NMNAT2: variants seen among roughly 807,000 people sequenced by gnomAD.
The protein encoded by NMNAT2 is nicotinamide nucleotide adenylyltransferase 2.
A neutral mutation model predicts 41.6 loss-of-function variants in NMNAT2; 11 were observed. That is an observed-to-expected ratio of 0.26 (90% confidence interval 0.17 to 0.44). The LOEUF is 0.44. Ranked by LOEUF, NMNAT2 falls within the 20% of genes least tolerant of loss-of-function variation. The probability of loss-of-function intolerance (pLI) is 1.00; values close to 1 mark genes in which losing one functional copy is unlikely to be tolerated. For synonymous variants in NMNAT2, 148 were observed against 151.2 expected (o/e 0.98, Z 0.16); for missense variants, 288 against 407.7 (o/e 0.71, Z 2.53).
intron 8 of NMNAT2, among the ~76,000 whole-genome samples, chr1:183,262,757 G>A (rs551688): frequency 0.97 from 146,999 of 152,190 alleles, 71,219 homozygotes; most frequent in East Asian, 1. Flanking sequence ...TATTTTTAAA[G>A]AGCCTGAAAG....
chr1:183,354,990 C>G (rs552283003), intron 1 of NMNAT2, among the ~76,000 whole-genome samples: 2 of 152,208 alleles, frequency 1.3e-5, no homozygotes, highest in Admixed American at 1.3e-4. Context: ...AACAAAGGCT[C>G]CTTCCATTGT....
At chr1:183,382,801 T>C (rs1299726577) in intron 1 of NMNAT2, among the ~76,000 whole-genome samples, 1 of 152,196 alleles carries the variant, frequency 6.6e-6, no homozygotes, top group East Asian at 1.9e-4. Flanking sequence ...TCTCTGCCCC[T>C]TTAGCTCTGC....
intron 1 of NMNAT2, among the ~76,000 whole-genome samples, chr1:183,327,608 C>T (rs1030342528): frequency 1.3e-5 from 2 of 152,190 alleles, no homozygotes; most frequent in South Asian, 2.1e-4. Flanking sequence ...GTCCCAGAAT[C>T]GTTTCCAACG....
chr1:183,409,020 C>T (rs191382090), intron 1 of NMNAT2, among the ~76,000 whole-genome samples: 35 of 152,050 alleles, frequency 2.3e-4, no homozygotes, highest in African/African-American at 8.2e-4. Flanking sequence ...AGTGTTTCAC[C>T]TCTCTGTGGG....
intron 1 of NMNAT2, among the ~76,000 whole-genome samples, chr1:183,337,221 G>GA (rs1662695014): frequency 6.6e-6 from 1 of 151,622 alleles, no homozygotes; most frequent in East Asian, 1.9e-4. Flanking sequence ...AAAATAATGG[G>GA]AAAAAAGATT....
At chr1:183,384,198 A>G (rs1447037910) in intron 1 of NMNAT2, among the ~76,000 whole-genome samples, 1 of 151,876 alleles carries the variant, frequency 6.6e-6, no homozygotes, top group African/African-American at 2.4e-5. Flanking sequence ...GGCGCTACAC[A>G]CTTTTATGTT....
At chr1:183,300,210 C>T (rs576900022) in intron 1 of NMNAT2, among the ~76,000 whole-genome samples, 40 of 152,030 alleles carry the variant, frequency 2.6e-4, no homozygotes, top group Non-Finnish European at 4.0e-4. Context: ...GAGACCAGCC[C>T]GGCCAATATG....
chr1:183,329,094 A>C (rs1285143884), intron 1 of NMNAT2, among the ~76,000 whole-genome samples: 1 of 152,184 alleles, frequency 6.6e-6, no homozygotes, highest in Non-Finnish European at 1.5e-5. Flanking sequence ...GGTTCCCTAC[A>C]GCTTTCCAAA....
intron 1 of NMNAT2, among the ~76,000 whole-genome samples, chr1:183,323,698 G>A (rs1433653213): frequency 6.6e-6 from 1 of 152,234 alleles, no homozygotes; most frequent in Non-Finnish European, 1.5e-5. Context: ...TAGGCAGGAT[G>A]TGGATCTGAG....
At chr1:183,384,558 C>A (rs1466704125) in intron 1 of NMNAT2, among the ~76,000 whole-genome samples, 1 of 152,146 alleles carries the variant, frequency 6.6e-6, no homozygotes, top group Non-Finnish European at 1.5e-5. Context: ...ACAAGAACGG[C>A]AAGGGGAGAG....
chr1:183,407,447 C>CT (rs1017391076), intron 1 of NMNAT2, among the ~76,000 whole-genome samples: 8 of 151,298 alleles, frequency 5.3e-5, no homozygotes, highest in South Asian at 2.1e-4. Flanking sequence ...AAATGCTTGT[C>CT]TTTTTTTTTC....
At chr1:183,268,852 G>T (rs1431237045) in intron 8 of NMNAT2, among the ~76,000 whole-genome samples, 1 of 152,134 alleles carries the variant, frequency 6.6e-6, no homozygotes, top group Non-Finnish European at 1.5e-5. Context: ...GACCAGCCTG[G>T]GCAACATGGT....
At position 183,307,452 on chromosome 1, in the gene NMNAT2, T is replaced by A. The variant is rs115716703; in HGVS notation, c.86-13659A>T. ...CTCCCTAGTAGCTGGAATGTATATTTTTTTTTTTAGACAGAGTTTTGCTTC... is the reference window on the plus strand; with the variant it reads ...CTCCCTAGTAGCTGGAATGTATATTATTTTTTTTAGACAGAGTTTTGCTTC... On this transcript the variant is annotated intron_variant, in intron 1 of 10. Coordinates refer to ENST00000287713, the MANE Select transcript of NMNAT2 (RefSeq NM_015039.4). Among the ~76,000 whole-genome samples, 1,316 of 150,970 alleles carry A rather than the reference T, an allele frequency of 8.7e-3. 18 individuals carry two copies. The highest frequency in any genetic ancestry group is 0.031 in the African/African-American group (1,257 of 41,196).
chr1:183,322,328 G>A (rs623902), intron 1 of NMNAT2, among the ~76,000 whole-genome samples: 3,214 of 152,300 alleles, frequency 0.021, 113 homozygotes, highest in African/African-American at 0.073. Flanking sequence ...ATACGTTCAG[G>A]TGTGTATGGT....
chr1:183,299,399 A>T (rs1476217695), intron 1 of NMNAT2, among the ~76,000 whole-genome samples: 4 of 152,112 alleles, frequency 2.6e-5, no homozygotes, highest in Non-Finnish European at 5.9e-5. Flanking sequence ...AAAATAAAAA[A>T]AGGAACAAAT....
At chr1:183,376,446 TG>T (rs1486676333) in intron 1 of NMNAT2, among the ~76,000 whole-genome samples, 1 of 152,104 alleles carries the variant, frequency 6.6e-6, no homozygotes, top group Admixed American at 6.6e-5. Context: ...TGATGAGGAG[TG>T]GAAAAAATTG....
At chr1:183,290,044 C>G in intron 4 of NMNAT2, 84 bp downstream of exon 4, 11 of 1,130,912 alleles carry the variant, frequency 9.7e-6, no homozygotes, top group Admixed American at 2.2e-5. Context: ...ACCCTCTCCT[C>G]TCCCTGCCTG....
At position 183,286,836 on chromosome 1, in the gene NMNAT2, G is replaced by A. The variant is rs191179158; in HGVS notation, c.322-48C>T. The stretch of plus-strand genomic sequence containing the variant: ...TATTAGTCATGTGACTTTGAGAATC[G>A]TTTCAAAGTTATCTCCAAGTGGTCA... On this transcript the variant is annotated intron_variant, in intron 4 of 10. Coordinates refer to ENST00000287713, the MANE Select transcript of NMNAT2 (RefSeq NM_015039.4). 635 of 1,572,502 alleles carry A rather than the reference G, an allele frequency of 4.0e-4. 1 individual carries two copies. In the African/African-American group the frequency reaches 7.4e-3, roughly 18 times the overall value.
At chr1:183,407,411 CT>C (rs1293250468) in intron 1 of NMNAT2, among the ~76,000 whole-genome samples, 1 of 152,070 alleles carries the variant, frequency 6.6e-6, no homozygotes, top group Non-Finnish European at 1.5e-5. Context: ...GCTTGAATCT[CT>C]GTTTTCCTGT....
Sources: allele counts gnomAD v4.1 joint callset (sites outside exome capture counted in the v4.1 genomes callset), GRCh38; gene constraint gnomAD v4.1.1; transcripts MANE v1.5; gene names NCBI Gene and HGNC (gene_info 2026-07-23, HGNC 2026-07-21).